DGKZ: variants seen among roughly 807,000 people sequenced by gnomAD.
The protein encoded by DGKZ is diacylglycerol kinase zeta, also known as DAG kinase zeta.
A neutral mutation model predicts 142.5 loss-of-function variants in DGKZ; 45 were observed. The ratio of observed to expected loss-of-function variants is 0.32; its 90% confidence interval spans 0.25 to 0.40. DGKZ has a LOEUF of 0.40. Among genes scored for constraint, DGKZ ranks in the 10% least tolerant of loss-of-function variants. DGKZ has a pLI of 1.00. For missense variants in DGKZ, 755 were observed against 1,306.5 expected (o/e 0.58, Z 6.51); for synonymous variants, 442 against 527.0 (o/e 0.84, Z 2.21).
At chr11:46,342,597 G>T (rs927178077), upstream of DGKZ, among the ~76,000 whole-genome samples, 2 of 151,934 alleles carry the variant, frequency 1.3e-5, no homozygotes, top group Non-Finnish European at 2.9e-5. Flanking sequence ...ACAGCATATA[G>T]AACCCATCTT....
Position 46,367,188 on chromosome 11 carries a change from T to C in DGKZ, c.162-103T>C. ...GGGCTGCTGGGAGGCTCCTCCGCCC[T>C]CCCTGTTGCCGAGGTCACGGAAAGG... On this transcript the variant is annotated intron_variant, in intron 1 of 30. Coordinates refer to ENST00000527911, the Ensembl canonical transcript of DGKZ. The surrounding 1 kb of genome is among the most constrained non-coding windows in gnomAD (Gnocchi z 4.1). 1 of 1,299,162 alleles carries C rather than the reference T, an allele frequency of 7.7e-7. No individual in the cohort carries two copies. Among genetic ancestry groups the C allele is most frequent in the African/African-American group, 1.5e-5 (1 of 68,210 alleles). The allele number at this position is 1,299,162 out of a possible 1,614,324, so 80.5% of individuals were successfully genotyped here. A position where few individuals can be genotyped will look rare whatever the true frequency, so the allele number is the denominator to read the frequency against.
Position 46,372,071 on chromosome 11 carries a change from C to T in DGKZ, c.832-4C>T. On this transcript the variant is annotated splice_region_variant and splice_polypyrimidine_tract_variant and intron_variant, in intron 9 of 30. Coordinates refer to ENST00000527911, the Ensembl canonical transcript of DGKZ. The surrounding 1 kb of genome is among the most constrained non-coding windows in gnomAD (Gnocchi z 5.9). Reference sequence around the variant, plus strand: ...AGCTTACAGCCTCTCACCTTGTCTCCCAGGAGGGCCGCTGGAGACCCTTCA... The same window carrying T: ...AGCTTACAGCCTCTCACCTTGTCTCTCAGGAGGGCCGCTGGAGACCCTTCA... 1 of 1,607,194 alleles carries T rather than the reference C, an allele frequency of 6.2e-7. No individual in the cohort carries two copies. The highest frequency in any genetic ancestry group is 8.5e-7 in the Non-Finnish European group (1 of 1,177,206).
chr11:46,376,810 G>C lies in DGKZ; in HGVS notation c.2202+246G>C, dbSNP rs1004832877. ...AAAGGCTTGCTGGGTGGGTAGGAGG[G>C]CCTGGAAGCCCAGAGCCATCCAGGG... is the stretch of plus-strand genomic sequence containing the variant. On this transcript the variant is annotated intron_variant, in intron 24 of 30. Transcript: ENST00000527911. 5 of 651,100 alleles carry C rather than the reference G, an allele frequency of 7.7e-6. No homozygotes were observed. The African/African-American group carries it at 9.1e-5, about 12-fold the overall frequency. The allele number at this position is 651,100 out of a possible 1,614,324, so 40.3% of individuals were successfully genotyped here.
At chr11:46,378,821 C>A in intron 27 of DGKZ, 170 bp from the exon 28 acceptor site, 2 of 1,167,528 alleles carry the variant, frequency 1.7e-6, no homozygotes, top group Non-Finnish European at 2.4e-6. Context: ...GTGAGAGGCC[C>A]CTCCTCCGGT....
chr11:46,345,544 C>T (rs1371941496), upstream of DGKZ: 2 of 1,526,036 alleles, frequency 1.3e-6, no homozygotes. This position sits in a 1 kb window ranked among gnomAD's most constrained non-coding sequence, Gnocchi z 4.1. Context: ...GCTACCGCTC[C>T]TGGGACGTGC....
At chr11:46,363,024 G>A (rs534955048) in intron 1 of DGKZ, among the ~76,000 whole-genome samples, 2 of 152,328 alleles carry the variant, frequency 1.3e-5, no homozygotes, top group Admixed American at 1.3e-4. Flanking sequence ...CCGAGGGACA[G>A]CCATTTTGCT....
chr11:46,379,383 T>G, intron 29 of DGKZ, 86 bp from the exon 30 acceptor site: 2 of 1,569,814 alleles, frequency 1.3e-6, no homozygotes, highest in Non-Finnish European at 1.7e-6. Context: ...AGCCCTGAAC[T>G]TCCTGCCCTT....
rs769194778 is a variant in DGKZ, at chr11:46,379,053, C to T, written c.2481C>T (p.Leu827=). 1.6e-5 allele frequency: 25 copies of T among 1,598,890 alleles called. No homozygotes were observed. The East Asian group carries it at 2.5e-4, about 16-fold the overall frequency. The change falls in exon 28 of 31, where the codon CTC becomes CTT. Residue 827 remains leucine (L), a synonymous_variant. Coordinates refer to ENST00000527911, the Ensembl canonical transcript of DGKZ. Reference sequence around the variant, plus strand: ...ACCGAGACGAGCAGAGTCGCACGCTCCTGCACCACGCAGTCAGCACTGGCA... The same window carrying T: ...ACCGAGACGAGCAGAGTCGCACGCTTCTGCACCACGCAGTCAGCACTGGCA...
At chr11:46,378,965 A>G in intron 27 of DGKZ, 26 bp from the exon 28 acceptor site, 2 of 1,514,686 alleles carry the variant, frequency 1.3e-6, no homozygotes, top group Non-Finnish European at 1.8e-6. Context: ...CAGGAGGTCC[A>G]GCCCTGCCAT....
At chr11:46,343,944 T>C (rs1940404898), upstream of DGKZ, among the ~76,000 whole-genome samples, 1 of 152,040 alleles carries the variant, frequency 6.6e-6, no homozygotes, top group Non-Finnish European at 1.5e-5. Context: ...TCATTTTTCT[T>C]TATAGCACAT....
chr11:46,360,112 TTGAA>T (rs1257109383), intron 1 of DGKZ, among the ~76,000 whole-genome samples: 5 of 152,328 alleles, frequency 3.3e-5, no homozygotes, highest in African/African-American at 9.6e-5. Context: ...TCACAACAGA[TTGAA>T]TGCAGGGATA....
intron 15 of DGKZ, 57 bp downstream of exon 15, chr11:46,374,292 G>T: frequency 6.2e-7 from 1 of 1,612,406 alleles, no homozygotes; most frequent in Non-Finnish European, 8.5e-7. Context: ...TCCCCGGGAG[G>T]GTCAGACCCT....
chr11:46,368,193 C>A, intron 4 of DGKZ, 114 bp downstream of exon 4: 1 of 1,137,420 alleles, frequency 8.8e-7, no homozygotes, highest in Non-Finnish European at 1.3e-6. Flanking sequence ...ACCCAGCACT[C>A]GGGGGTGAAG....
At chr11:46,374,180 C>T (rs374761060) in exon 15 of DGKZ, 15 of 1,614,098 alleles carry the variant, frequency 9.3e-6, no homozygotes, top group African/African-American at 4.0e-5. Flanking sequence ...TCTTCAACAA[C>T]TACTTCAGCC....
intron 1 of DGKZ, among the ~76,000 whole-genome samples, chr11:46,338,248 G>A (rs185215101): frequency 1.3e-4 from 20 of 152,196 alleles, no homozygotes; most frequent in Admixed American, 4.6e-4. Context: ...TGTAATCTCC[G>A]CACTTTGGGA....
chr11:46,375,798 G>A (rs543776004), intron 20 of DGKZ, 53 bp from the exon 21 acceptor site: 1 of 1,540,620 alleles, frequency 6.5e-7, no homozygotes, highest in East Asian at 2.4e-5. Context: ...GGCCGAGGGT[G>A]GCACCAAGGC....
intron 1 of DGKZ, among the ~76,000 whole-genome samples, chr11:46,351,621 T>C (rs1029833376): frequency 5.3e-5 from 8 of 152,274 alleles, no homozygotes; most frequent in South Asian, 2.1e-4. Flanking sequence ...GGAAACCTCT[T>C]TGAGTGGTTT....
At chr11:46,354,267 A>G (rs1941746412) in intron 1 of DGKZ, among the ~76,000 whole-genome samples, 1 of 152,128 alleles carries the variant, frequency 6.6e-6, no homozygotes, top group African/African-American at 2.4e-5. Flanking sequence ...GCTCACTGTA[A>G]TTTCAAACCC....
chr11:46,337,587 C>T (rs1015909750), intron 1 of DGKZ, among the ~76,000 whole-genome samples: 17 of 152,188 alleles, frequency 1.1e-4, no homozygotes, highest in Admixed American at 5.9e-4. Flanking sequence ...TAAGCCACCG[C>T]GCCCAGCCTT....
Sources: gnomAD v4.1 joint callset for allele counts (sites outside exome capture counted in the v4.1 genomes callset) on GRCh38, gnomAD v4.1.1 for gene constraint, Gnocchi (gnomAD v3.1) non-coding constraint, MANE v1.5 for transcripts, NCBI Gene and HGNC (gene_info 2026-07-23, HGNC 2026-07-21) for gene names.